IL20RA: variants seen among roughly 807,000 people sequenced by gnomAD.
IL20RA encodes interleukin 20 receptor subunit alpha, also known as interleukin-20 receptor subunit alpha.
In IL20RA, 29 loss-of-function variants were observed where a neutral mutation model predicts 36.5. The observed-to-expected ratio is 0.79, with a 90% confidence interval of 0.59 to 1.08. The LOEUF (loss-of-function observed/expected upper bound fraction) is 1.08, where lower values mean the gene tolerates loss of function less well. Among genes scored for constraint, IL20RA ranks in the 50% least tolerant of loss-of-function variants. The pLI is 0.00. For synonymous variants in IL20RA, 279 were observed against 267.1 expected (o/e 1.04, Z -0.43); for missense variants, 652 against 668.4 (o/e 0.98, Z 0.27).
chr6:137,020,831 C>A (rs948872881), intron 1 of IL20RA, among the ~76,000 whole-genome samples: 1 of 152,122 alleles, frequency 6.6e-6, no homozygotes, highest in Non-Finnish European at 1.5e-5. Context: ...GCTTTTAGAC[C>A]TGCAGTTTCT....
chr6:137,026,417 C>G (rs1776090876), intron 1 of IL20RA, among the ~76,000 whole-genome samples: 1 of 152,176 alleles, frequency 6.6e-6, no homozygotes, highest in Non-Finnish European at 1.5e-5. Flanking sequence ...TTGAATTCAC[C>G]TTGGTAAGCT....
Position 137,001,392 on chromosome 6 carries a change from A to T in IL20RA, c.*166T>A. ...CATTGTTAAGAGACCTACATGCATG[A>T]ACCAATCACACACGTGCTATGAGAA... On this transcript the variant is annotated 3_prime_UTR_variant, in exon 7 of 7. Transcript: ENST00000316649. The T allele has an allele frequency of 1.6e-6, 1 of 624,456 alleles. No individual in the cohort carries two copies. Among genetic ancestry groups the T allele is most frequent in the Non-Finnish European group, 2.7e-6 (1 of 370,308 alleles). The allele number at this position is 624,456 out of a possible 1,614,324, so 38.7% of individuals were successfully genotyped here.
chr6:137,015,536 G>A (rs764960946), intron 2 of IL20RA, among the ~76,000 whole-genome samples: 3 of 152,082 alleles, frequency 2.0e-5, no homozygotes, highest in African/African-American at 2.4e-5. Flanking sequence ...ATGAATAGGC[G>A]CTATGCTAGT....
At chr6:137,036,799 T>A (rs115882805) in intron 1 of IL20RA, among the ~76,000 whole-genome samples, 150 of 152,292 alleles carry the variant, frequency 9.8e-4, no homozygotes, top group African/African-American at 3.3e-3. Flanking sequence ...GAGAAGCTAA[T>A]AGAGTAGGTG....
chr6:137,004,588 A>G (rs963418036), intron 6 of IL20RA, 33 bp downstream of exon 6: 4 of 1,603,664 alleles, frequency 2.5e-6, no homozygotes, highest in Non-Finnish European at 2.6e-6. Context: ...GTGTACTATT[A>G]TAATAAAGAA....
intron 1 of IL20RA, among the ~76,000 whole-genome samples, chr6:137,017,910 T>G (rs528403921): frequency 8.5e-5 from 13 of 152,300 alleles, no homozygotes; most frequent in Non-Finnish European, 1.6e-4. Context: ...GGCTACTTTC[T>G]TATAAAATAA....
Position 137,004,615 on chromosome 6 carries a change from A to T in IL20RA, c.864+6T>A. On this transcript the variant is annotated splice_donor_region_variant and intron_variant, in intron 6 of 6. Coordinates refer to ENST00000316649, the MANE Select transcript of IL20RA (RefSeq NM_014432.4). ...AATAAAGAACCCTGCCACACCAAGT[A>T]CTCACCAAATTTGCTGGGTGTTTCT... is the stretch of plus-strand genomic sequence containing the variant. 6.2e-7 allele frequency: 1 copy of T among 1,613,516 alleles called. No individual in the cohort carries two copies. The highest frequency in any genetic ancestry group is 8.5e-7 in the Non-Finnish European group (1 of 1,179,574).
At chr6:137,039,406 C>T (rs1776601796) in intron 1 of IL20RA, among the ~76,000 whole-genome samples, 1 of 152,086 alleles carries the variant, frequency 6.6e-6, no homozygotes, top group Non-Finnish European at 1.5e-5. Context: ...AAGAAATCAC[C>T]CCAAGTCTGC....
At chr6:137,014,306 A>G (rs1775596672) in intron 2 of IL20RA, among the ~76,000 whole-genome samples, 1 of 152,256 alleles carries the variant, frequency 6.6e-6, no homozygotes, top group East Asian at 1.9e-4. Context: ...AGTATAATCA[A>G]AAGAGAAACA....
chr6:137,030,070 G>GTTTT (rs1188809232), intron 1 of IL20RA, among the ~76,000 whole-genome samples: 12,219 of 62,538 alleles, frequency 0.2, 4,217 homozygotes, highest in Admixed American at 0.26. Flanking sequence ...CGGTTTGCGG[G>GTTTT]TTTTTTTTTT....
At chr6:137,042,326 C>A (rs1386677397) in intron 1 of IL20RA, among the ~76,000 whole-genome samples, 1 of 152,154 alleles carries the variant, frequency 6.6e-6, no homozygotes, top group Non-Finnish European at 1.5e-5. Context: ...AGAATGATTC[C>A]AGGAACAGTA....
chr6:137,022,406 T>C (rs986271789), intron 1 of IL20RA, among the ~76,000 whole-genome samples: 3 of 152,220 alleles, frequency 2.0e-5, no homozygotes, highest in South Asian at 2.1e-4. Context: ...AGGATTTCTA[T>C]TAATTTGAAA....
In IL20RA at chr6:137,015,847, G is replaced by A. The variant is rs531863517; in HGVS notation, c.224+1121C>T. On this transcript the variant is annotated intron_variant, in intron 2 of 6. Transcript: ENST00000316649. ...AATTTTTGTATTTTTTGTAGAGACAGGGTTTTGTCATGTTGCACAGGTTGG... is the reference window on the plus strand; with the variant it reads ...AATTTTTGTATTTTTTGTAGAGACAAGGTTTTGTCATGTTGCACAGGTTGG... Among the ~76,000 whole-genome samples, 4 of 152,220 alleles carry A rather than the reference G, an allele frequency of 2.6e-5. No homozygotes were observed. In the South Asian group the frequency reaches 6.2e-4, roughly 24 times the overall value.
At chr6:137,006,830 C>G (rs946057508) in intron 5 of IL20RA, among the ~76,000 whole-genome samples, 1 of 151,780 alleles carries the variant, frequency 6.6e-6, no homozygotes, top group African/African-American at 2.4e-5. Flanking sequence ...CTCAGGTGAT[C>G]CTCCCATCTC....
In IL20RA at chr6:137,004,765, A is replaced by T. The variant is rs765309320; in HGVS notation, c.725-5T>A. 0.011 allele frequency: 87 copies of T among 7,726 alleles called. No individual in the cohort carries two copies. The highest frequency in any genetic ancestry group is 0.083 in the East Asian group (1 of 12). 0.5% of individuals were successfully genotyped at this position (7,726 alleles called of 1,614,324 possible). On this transcript the variant is annotated splice_polypyrimidine_tract_variant and splice_region_variant and intron_variant, in intron 5 of 6. Coordinates refer to ENST00000316649, the MANE Select transcript of IL20RA (RefSeq NM_014432.4). ...CCTTGAACTCTGATGATTGATCTGT[A>T]AAAAAAAAAAAAAAGGTGGGAATTC...
chr6:137,044,786 C>T lies in IL20RA; in HGVS notation c.-58G>A. On this transcript the variant is annotated 5_prime_UTR_variant, in exon 1 of 7. Coordinates refer to ENST00000316649, the MANE Select transcript of IL20RA (RefSeq NM_014432.4). ...AGCAGACTGCTCAGTCCCACGCCCG[C>T]TGGGGCCAAGCGCGGCCGCGCGGCC... The T allele has an allele frequency of 7.5e-6, 9 of 1,204,044 alleles. No homozygotes were observed. The highest frequency in any genetic ancestry group is 9.3e-6 in the Non-Finnish European group (9 of 969,904). The allele number at this position is 1,204,044 out of a possible 1,614,324, so 74.6% of individuals were successfully genotyped here. A position where few individuals can be genotyped will look rare whatever the true frequency, so the allele number is the denominator to read the frequency against.
intron 2 of IL20RA, among the ~76,000 whole-genome samples, 193 bp downstream of exon 2, chr6:137,016,775 A>G (rs1301751150): frequency 6.6e-6 from 1 of 152,134 alleles, no homozygotes; most frequent in Non-Finnish European, 1.5e-5. Context: ...GAGCCCCCCA[A>G]TGCCTCTGTC....
Position 137,014,660 on chromosome 6 carries a change from T to C in IL20RA, c.224+2308A>G, listed in dbSNP as rs1330210723. Among the ~76,000 whole-genome samples the C allele has an allele frequency of 2.0e-5, 3 of 152,328 alleles. No individual in the cohort carries two copies. The South Asian group carries it at 6.2e-4, about 32-fold the overall frequency. The stretch of plus-strand genomic sequence containing the variant: ...TAAAATATTGTCATTTTAGATGACA[T>C]TTAATGGCTTCTGGCTATGAAAATC... On this transcript the variant is annotated intron_variant, in intron 2 of 6. Coordinates refer to ENST00000316649, the MANE Select transcript of IL20RA (RefSeq NM_014432.4).
At position 137,001,148 on chromosome 6, in the gene IL20RA, TA is replaced by T. The variant is rs1775018732; in HGVS notation, c.*409del. ...CCCAATTCTGAAAAAGTGGTATTTATAAAATGAGTGATCTTTGGGAAATATT... is the reference window on the plus strand; with the variant it reads ...CCCAATTCTGAAAAAGTGGTATTTATAAATGAGTGATCTTTGGGAAATATT... On this transcript the variant is annotated 3_prime_UTR_variant, in exon 7 of 7. Coordinates refer to ENST00000316649, the MANE Select transcript of IL20RA (RefSeq NM_014432.4). 1 of 154,860 alleles carries T rather than the reference TA, an allele frequency of 6.5e-6. No homozygotes were observed. The highest frequency in any genetic ancestry group is 6.5e-5 in the Admixed American group (1 of 15,384). 9.6% of individuals were successfully genotyped at this position (154,860 alleles called of 1,614,324 possible). A position where few individuals can be genotyped will look rare whatever the true frequency, so the allele number is the denominator to read the frequency against.
Sources: allele counts gnomAD v4.1 joint callset (sites outside exome capture counted in the v4.1 genomes callset), GRCh38; gene constraint gnomAD v4.1.1; transcripts MANE v1.5; gene names NCBI Gene and HGNC (gene_info 2026-07-23, HGNC 2026-07-21).